Variants in CCDC30 observed in about 807,000 individuals in gnomAD.
CCDC30 encodes coiled-coil domain containing 30.
A neutral mutation model predicts 100.2 loss-of-function variants in CCDC30; 70 were observed. The observed-to-expected ratio is 0.70, with a 90% CI of 0.58 to 0.85. The LOEUF (loss-of-function observed/expected upper bound fraction) is 0.85. CCDC30 is among the 40% of genes least tolerant of loss of function. The pLI, the probability that CCDC30 is intolerant of heterozygous loss-of-function variation, is 0.00. For missense variants in CCDC30, 652 were observed against 771.2 expected (o/e 0.85, Z 1.83); for synonymous variants, 233 against 269.5 (o/e 0.86, Z 1.33).
intron 6 of CCDC30, among the ~76,000 whole-genome samples, chr1:42,548,722 C>T (rs1021218327): frequency 3.3e-5 from 5 of 152,060 alleles, no homozygotes; most frequent in Non-Finnish European, 5.9e-5. Flanking sequence ...ATGGAAGAAG[C>T]GATGCCAAGG....
intron 11 of CCDC30, among the ~76,000 whole-genome samples, chr1:42,612,242 A>G (rs770242517): frequency 6.6e-6 from 1 of 152,232 alleles, no homozygotes; most frequent in Non-Finnish European, 1.5e-5. Flanking sequence ...GCAGTTAAAC[A>G]GGGTACAACT....
At chr1:42,578,583 C>G (rs1045498567) in intron 8 of CCDC30, among the ~76,000 whole-genome samples, 10 of 152,108 alleles carry the variant, frequency 6.6e-5, no homozygotes, top group Admixed American at 2.0e-4. Context: ...GATTTTAAAA[C>G]TTAGACAATA....
At chr1:42,518,768 C>T (rs1043267512) in intron 6 of CCDC30, among the ~76,000 whole-genome samples, 3 of 152,046 alleles carry the variant, frequency 2.0e-5, no homozygotes, top group African/African-American at 7.2e-5. Context: ...ATTTGGATAC[C>T]TTTTATTTTT....
chr1:42,540,722 T>C (rs1426275499), intron 6 of CCDC30, among the ~76,000 whole-genome samples: 1 of 152,028 alleles, frequency 6.6e-6, no homozygotes, highest in East Asian at 1.9e-4. Context: ...GAGAGTAAGT[T>C]GGAGACATAA....
chr1:42,595,060 C>A (rs546031329), intron 10 of CCDC30: 1 of 151,270 alleles, frequency 6.6e-6, no homozygotes, highest in African/African-American at 2.4e-5. Flanking sequence ...ATAGGATATA[C>A]GGTAGAACCA....
chr1:42,457,135 C>T, the CCDC30 span: 19 of 1,583,408 alleles, frequency 1.2e-5, no homozygotes, highest in Non-Finnish European at 1.6e-5. Context: ...AGCCACTTAT[C>T]CCCTTACCTC....
chr1:42,537,579 T>G, intron 6 of CCDC30: 1 of 317,886 alleles, frequency 3.1e-6, no homozygotes. Context: ...ATGTAACCTA[T>G]TCCCTTCATT....
rs41432649 is a variant in CCDC30 at position 42,646,050 on chromosome 1, A to G, written c.1672-85A>G. On this transcript the variant is annotated intron_variant, in intron 14 of 16. Coordinates refer to ENST00000668663, the Ensembl canonical transcript of CCDC30. ...TCAGAACTATAGCACATCAAACTCA[A>G]TATTCCGTATGTGTCAAAGGTACTA... 2.1e-3 allele frequency: 3,054 copies of G among 1,476,286 alleles called. 17 individuals are homozygous for G. The highest frequency in any genetic ancestry group is 0.017 in the African/African-American group (1,238 of 70,876). The allele number at this position is 1,476,286 out of a possible 1,614,324, so 91.4% of individuals were successfully genotyped here. A position where few individuals can be genotyped will look rare whatever the true frequency, so the allele number is the denominator to read the frequency against.
intron 10 of CCDC30, among the ~76,000 whole-genome samples, chr1:42,597,335 G>A (rs1285687099): frequency 6.6e-6 from 1 of 152,040 alleles, no homozygotes; most frequent in African/African-American, 2.4e-5. Flanking sequence ...CATCAAGCAG[G>A]ATAAATGCCC....
At chr1:42,634,629 G>A (rs1647113248) in intron 11 of CCDC30, among the ~76,000 whole-genome samples, 1 of 152,156 alleles carries the variant, frequency 6.6e-6, no homozygotes, top group African/African-American at 2.4e-5. Flanking sequence ...TGTTTACTCT[G>A]ATTAGATATT....
upstream of CCDC30, chr1:42,460,108 T>C: frequency 7.3e-7 from 1 of 1,361,952 alleles, no homozygotes; most frequent in South Asian, 2.0e-5. Context: ...GTCATTTTGA[T>C]TTTGAAATTG....
At chr1:42,577,120 A>G (rs187080929) in exon 8 of CCDC30, 1 of 1,614,108 alleles carries the variant, frequency 6.2e-7, no homozygotes, top group Non-Finnish European at 8.5e-7. Context: ...CAGAAAATCA[A>G]GGAACTGGAG....
chr1:42,610,390 A>T (rs1219734145), intron 10 of CCDC30, among the ~76,000 whole-genome samples: 2 of 151,302 alleles, frequency 1.3e-5, no homozygotes, highest in African/African-American at 4.9e-5. Context: ...TTCACTTTAT[A>T]TACTTTAAGC....
chr1:42,510,387 G>A (rs554885139), intron 6 of CCDC30, among the ~76,000 whole-genome samples: 4 of 152,254 alleles, frequency 2.6e-5, no homozygotes, highest in African/African-American at 9.6e-5. Flanking sequence ...GGCCAGGTGT[G>A]GTGGCTCATG....
chr1:42,562,624 A>G (rs879557003), intron 6 of CCDC30, among the ~76,000 whole-genome samples: 9 of 152,332 alleles, frequency 5.9e-5, no homozygotes, highest in South Asian at 2.1e-4. Context: ...AATTAAACTA[A>G]AGAGCTTCTG....
At chr1:42,649,290 G>T (rs1484877556) in intron 15 of CCDC30, among the ~76,000 whole-genome samples, 1 of 152,158 alleles carries the variant, frequency 6.6e-6, no homozygotes, top group African/African-American at 2.4e-5. Flanking sequence ...TACAAGGATG[G>T]CTCAACATAT....
At position 42,498,911 on chromosome 1, in the gene CCDC30, GAA is replaced by G; in HGVS notation, c.452_453del (p.Glu151AlafsTer35). The G allele has an allele frequency of 8.1e-7, 1 of 1,231,610 alleles. No homozygotes were observed. The highest frequency in any genetic ancestry group is 1.0e-6 in the Non-Finnish European group (1 of 985,750). The allele number at this position is 1,231,610 out of a possible 1,614,324, so 76.3% of individuals were successfully genotyped here. A position where few individuals can be genotyped will look rare whatever the true frequency, so the allele number is the denominator to read the frequency against. ...AAAAACTGTGGGTGGTGAACAGAGA[GAA>G]CAGGTATTGTATTTTAAAGTTCTGT... is the stretch of plus-strand genomic sequence containing the variant. On this transcript the variant is annotated frameshift_variant, in exon 6 of 17. Transcript: ENST00000668663. LOFTEE classifies it high-confidence loss of function.
intron 6 of CCDC30, among the ~76,000 whole-genome samples, chr1:42,554,187 A>G (rs768479850): frequency 2.0e-5 from 3 of 151,740 alleles, no homozygotes; most frequent in Non-Finnish European, 4.4e-5. Flanking sequence ...ATTATTGTAC[A>G]GTCATCTTTT....
chr1:42,473,253 A>G, intron 1 of CCDC30: 1 of 1,231,610 alleles, frequency 8.1e-7, no homozygotes, highest in African/African-American at 1.5e-5. Flanking sequence ...GAGGACTGCT[A>G]CCACAGATGT....
Sources: gnomAD v4.1 joint callset for allele counts (sites outside exome capture counted in the v4.1 genomes callset) on GRCh38, gnomAD v4.1.1 for gene constraint, MANE v1.5 for transcripts, NCBI Gene and HGNC (gene_info 2026-07-23, HGNC 2026-07-21) for gene names.